The following CCDC141 variants were observed in gnomAD, a reference collection of about 807,000 sequenced individuals.
CCDC141 encodes coiled-coil domain containing 141.
A neutral mutation model predicts 181.0 loss-of-function variants in CCDC141; 168 were observed. The observed-to-expected ratio is 0.93, with a 90% CI of 0.82 to 1.05. CCDC141 has a LOEUF of 1.05. Among genes scored for constraint, CCDC141 ranks in the 50% least tolerant of loss-of-function variants. CCDC141 has a pLI of 0.00. For missense variants in CCDC141, 1,902 were observed against 1,788.5 expected (o/e 1.06, Z -1.14); for synonymous variants, 666 against 642.3 (o/e 1.04, Z -0.56).
At chr2:178,906,832 A>G (rs1687994046) in intron 7 of CCDC141, among the ~76,000 whole-genome samples, 1 of 152,206 alleles carries the variant, frequency 6.6e-6, no homozygotes, top group African/African-American at 2.4e-5. Flanking sequence ...ACACAGGCGA[A>G]GCCAAATGTA....
chr2:178,982,514 C>T (rs887537732), intron 2 of CCDC141, among the ~76,000 whole-genome samples: 8 of 152,198 alleles, frequency 5.3e-5, no homozygotes, highest in Non-Finnish European at 1.0e-4. Context: ...GCCTGAGCGA[C>T]GCAGAAGACG....
intron 4 of CCDC141, among the ~76,000 whole-genome samples, chr2:178,968,842 C>T (rs912727813): frequency 2.6e-5 from 4 of 151,590 alleles, no homozygotes; most frequent in Non-Finnish European, 5.9e-5. Flanking sequence ...GCTAGCCAGA[C>T]TAATTAAGAA....
intron 16 of CCDC141, among the ~76,000 whole-genome samples, chr2:178,867,236 T>C (rs547871962): frequency 1.3e-5 from 2 of 152,350 alleles, no homozygotes; most frequent in Admixed American, 1.3e-4. Context: ...ATGATAGCTC[T>C]GGCCTGGATG....
At chr2:178,918,612 T>G in intron 7 of CCDC141, 101 bp downstream of exon 7, 1 of 887,332 alleles carries the variant, frequency 1.1e-6, no homozygotes, top group South Asian at 2.2e-5. Context: ...AAATTTTACA[T>G]GGCGTTTTGA....
rs572965202 is a variant in CCDC141 at position 178,835,387 on chromosome 2, GAA to G, written c.4326-949_4326-948del. On this transcript the variant is annotated intron_variant, in intron 23 of 23. Transcript: ENST00000443758. Reference sequence around the variant, plus strand: ...TAACATATTTCTAGAAGGTTCCTATGAACATGAGTGCTTAACTGCATGGTTTT... The same window carrying G: ...TAACATATTTCTAGAAGGTTCCTATGCATGAGTGCTTAACTGCATGGTTTT... Among the ~76,000 whole-genome samples, 815 of 152,264 alleles carry G rather than the reference GAA, an allele frequency of 5.4e-3. 8 individuals carry two copies. Among genetic ancestry groups the G allele is most frequent in the African/African-American group, 0.019 (786 of 41,548 alleles).
intron 2 of CCDC141, among the ~76,000 whole-genome samples, chr2:179,047,007 T>C (rs539130893): frequency 6.6e-6 from 1 of 152,224 alleles, no homozygotes; most frequent in Non-Finnish European, 1.5e-5. Context: ...TGGAGTTTTT[T>C]TCCCACTGAG....
chr2:178,915,937 G>A (rs115956683), intron 7 of CCDC141: 1,716 of 152,412 alleles, frequency 0.011, 11 homozygotes, highest in Non-Finnish European at 0.019. Flanking sequence ...GCATCACTCA[G>A]GGGGATTTGG....
At chr2:178,967,506 G>A (rs1009713569) in intron 4 of CCDC141, among the ~76,000 whole-genome samples, 2 of 152,130 alleles carry the variant, frequency 1.3e-5, no homozygotes, top group African/African-American at 4.8e-5. Flanking sequence ...CATAAGCGAA[G>A]GAGAAATAAA....
chr2:178,995,360 G>C (rs1692238714), intron 2 of CCDC141, among the ~76,000 whole-genome samples: 1 of 152,096 alleles, frequency 6.6e-6, no homozygotes, highest in African/African-American at 2.4e-5. Flanking sequence ...AAAACCATCA[G>C]ATCTCATAAG....
chr2:178,960,580 G>C (rs1178970164), intron 5 of CCDC141, among the ~76,000 whole-genome samples: 1 of 152,142 alleles, frequency 6.6e-6, no homozygotes, highest in African/African-American at 2.4e-5. Context: ...TGAGTTGGGG[G>C]TTTGCAAAGA....
chr2:178,906,822 A>G (rs1389784704), intron 7 of CCDC141, among the ~76,000 whole-genome samples: 3 of 152,200 alleles, frequency 2.0e-5, no homozygotes, highest in Non-Finnish European at 4.4e-5. Flanking sequence ...TGCTGGGGCA[A>G]CACAGGCGAA....
At chr2:179,048,029 A>T (rs1213614235) in intron 1 of CCDC141, among the ~76,000 whole-genome samples, 2 of 152,214 alleles carry the variant, frequency 1.3e-5, no homozygotes, top group African/African-American at 2.4e-5. Flanking sequence ...TGCCTGTGAC[A>T]ACTGCCATTT....
intron 2 of CCDC141, among the ~76,000 whole-genome samples, chr2:179,034,156 T>A (rs978343690): frequency 3.9e-5 from 6 of 152,268 alleles, no homozygotes; most frequent in Admixed American, 3.9e-4. Flanking sequence ...TGGAATACTA[T>A]GCAGCAATAA....
Position 178,905,324 on chromosome 2 carries a change from C to G in CCDC141, c.1265+5G>C, listed in dbSNP as rs1687913196. 1 of 1,538,004 alleles carries G rather than the reference C, an allele frequency of 6.5e-7. No individual in the cohort carries two copies. The highest frequency in any genetic ancestry group is 8.8e-7 in the Non-Finnish European group (1 of 1,142,316). ...TACACTGAGAAAGAAATCAACTTTACTCACCTGCAGGAGTCTACTTGGCTG... is the reference window on the plus strand; with the variant it reads ...TACACTGAGAAAGAAATCAACTTTAGTCACCTGCAGGAGTCTACTTGGCTG... On this transcript the variant is annotated splice_donor_5th_base_variant and intron_variant, in intron 8 of 23. Coordinates refer to ENST00000443758, the MANE Select transcript of CCDC141 (RefSeq NM_173648.4).
intron 14 of CCDC141, among the ~76,000 whole-genome samples, chr2:178,870,643 A>C (rs1236040496): frequency 6.6e-6 from 1 of 152,086 alleles, no homozygotes; most frequent in Non-Finnish European, 1.5e-5. Context: ...TTATACTTAC[A>C]TCGGTTTTTG....
At position 178,938,905 on chromosome 2, in the gene CCDC141, C is replaced by T. The variant is rs916755463; in HGVS notation, c.897+5630G>A. 5.9e-5 allele frequency among the ~76,000 whole-genome samples: 9 copies of T among 152,228 alleles called. No individual in the cohort carries two copies. The South Asian group carries it at 8.3e-4, about 14-fold the overall frequency. Reference sequence around the variant, plus strand: ...CCTTATAGTCAACTTCTAGATATTGCATTGCTCCCAGAACGTATTCTGTTC... The same window carrying T: ...CCTTATAGTCAACTTCTAGATATTGTATTGCTCCCAGAACGTATTCTGTTC... On this transcript the variant is annotated intron_variant, in intron 6 of 23. Coordinates refer to ENST00000443758, the MANE Select transcript of CCDC141 (RefSeq NM_173648.4).
Position 178,877,987 on chromosome 2 carries a change from C to T in CCDC141, c.1876G>A (p.Glu626Lys). ...ACCATATTTATTAAATTAAGGAACT[C>T]AAGCCCTAGATCTTGTGTTATAAAA... Reference protein sequence around the residue: ...KSFITQDLGLEFLNLINMAKE... With the variant: ...KSFITQDLGLKFLNLINMAKE... Residue 626 changes from glutamate to lysine, a missense_variant, in exon 12 of 24, where the codon GAG becomes AAG. Transcript: ENST00000443758. 6.2e-7 allele frequency: 1 copy of T among 1,613,828 alleles called. No individual in the cohort carries two copies. The highest frequency in any genetic ancestry group is 2.2e-5 in the East Asian group (1 of 44,856).
chr2:178,872,391 G>T, intron 12 of CCDC141, 79 bp from the exon 13 acceptor site: 1 of 1,303,100 alleles, frequency 7.7e-7, no homozygotes, highest in African/African-American at 1.5e-5. Context: ...TATTTTACGA[G>T]GCAAATTCTT....
Position 178,936,899 on chromosome 2 carries a change from CTGT to C in CCDC141, c.897+7633_897+7635del, listed in dbSNP as rs555779241. ...CTTTCTGATTTGTGTCTTGGCTTGG[CTGT>C]TGTTGGTGTATAGGAATGCTAATTA... On this transcript the variant is annotated intron_variant, in intron 6 of 23. Transcript: ENST00000443758. Among the ~76,000 whole-genome samples the C allele has an allele frequency of 1.8e-3, 267 of 152,078 alleles. 4 individuals carry two copies. The South Asian group carries it at 0.023, about 13-fold the overall frequency.
Sources: gnomAD v4.1 joint callset for allele counts (sites outside exome capture counted in the v4.1 genomes callset) on GRCh38, gnomAD v4.1.1 for gene constraint, MANE v1.5 for transcripts, NCBI Gene and HGNC (gene_info 2026-07-23, HGNC 2026-07-21) for gene names.